Variants in MBNL2 observed in about 807,000 individuals in gnomAD.
The protein encoded by MBNL2 is muscleblind-like protein 2.
MBNL2 carries 17 observed loss-of-function variants against 41.9 expected under a neutral mutation model. That is an observed-to-expected ratio of 0.41 (90% CI 0.28 to 0.61). The LOEUF (loss-of-function observed/expected upper bound fraction) is 0.61. Among genes scored for constraint, MBNL2 ranks in the 20% least tolerant of loss-of-function variants. The pLI is 0.35. For synonymous variants in MBNL2, 195 were observed against 182.9 expected, an observed-to-expected ratio of 1.07 and a Z score of -0.53; for missense variants, 336 against 505.6, an observed-to-expected ratio of 0.66 and a Z score of 3.22.
chr13:97,179,224 C>T, the MBNL2 span: 1 of 152,210 alleles, frequency 6.6e-6, no homozygotes, highest in African/African-American at 2.4e-5. Context: ...TCACTGGCCA[C>T]TTAGTTATTC....
the MBNL2 span, among the ~76,000 whole-genome samples, chr13:97,173,087 A>G: frequency 2.0e-5 from 3 of 152,326 alleles, no homozygotes; most frequent in East Asian, 5.8e-4. Flanking sequence ...GATGTGTTGT[A>G]TGTATATGTG....
At chr13:97,190,821 G>A in the MBNL2 span, among the ~76,000 whole-genome samples, 7 of 152,108 alleles carry the variant, frequency 4.6e-5, no homozygotes, top group African/African-American at 1.7e-4. Flanking sequence ...TGAAGCCTGA[G>A]GTTGGATTTA....
chr13:97,346,717 C>A lies in MBNL2; in HGVS notation c.541-87C>A. 1 of 1,101,844 alleles carries A rather than the reference C, an allele frequency of 9.1e-7. No homozygotes were observed. The highest frequency in any genetic ancestry group is 1.3e-6 in the Non-Finnish European group (1 of 757,518). The allele number at this position is 1,101,844 out of a possible 1,614,324, so 68.3% of individuals were successfully genotyped here. On this transcript the variant is annotated intron_variant, in intron 4 of 8. Transcript: ENST00000679496. The surrounding 1 kb of genome is among the most constrained non-coding windows in gnomAD (Gnocchi z 4.2). ...TGAGCCACCATTGAAAGCGAGGCAG[C>A]CTCCGCTCCTCCCGCGGTGGCCGGG...
At chr13:97,301,214 T>C (rs1275558115) in intron 2 of MBNL2, among the ~76,000 whole-genome samples, 1 of 152,214 alleles carries the variant, frequency 6.6e-6, no homozygotes, top group African/African-American at 2.4e-5. Flanking sequence ...ACTTATTGAC[T>C]GCCTGCTACA....
chr13:97,308,158 C>G (rs901454320), intron 2 of MBNL2, among the ~76,000 whole-genome samples: 1 of 152,230 alleles, frequency 6.6e-6, no homozygotes, highest in African/African-American at 2.4e-5. Context: ...CTGGCTGCCA[C>G]ATGCCTGCAG....
intron 1 of MBNL2, among the ~76,000 whole-genome samples, chr13:97,241,118 A>G (rs1356030648): frequency 6.6e-6 from 1 of 152,194 alleles, no homozygotes; most frequent in Non-Finnish European, 1.5e-5. Context: ...TCAGAGCATG[A>G]ATATGTAAGG....
chr13:97,295,080 GGA>G (rs2056812156), intron 2 of MBNL2, among the ~76,000 whole-genome samples: 1 of 152,140 alleles, frequency 6.6e-6, no homozygotes, highest in Admixed American at 6.5e-5. Context: ...TGTTCACCCT[GGA>G]GAAAGAAAGA....
the MBNL2 span, among the ~76,000 whole-genome samples, chr13:97,204,601 A>C: frequency 6.6e-6 from 1 of 152,186 alleles, no homozygotes; most frequent in Non-Finnish European, 1.5e-5. Flanking sequence ...AAGAAAAAAA[A>C]CTATACTTTC....
intron 8 of MBNL2, among the ~76,000 whole-genome samples, chr13:97,388,570 CCTG>C (rs2066130383): frequency 6.6e-6 from 1 of 152,108 alleles, no homozygotes; most frequent in African/African-American, 2.4e-5. Flanking sequence ...TTCCTCCTGT[CCTG>C]TGGGTGGTCT....
At chr13:97,267,002 T>C (rs2049955928) in intron 1 of MBNL2, among the ~76,000 whole-genome samples, 1 of 152,210 alleles carries the variant, frequency 6.6e-6, no homozygotes, top group Admixed American at 6.5e-5. Flanking sequence ...CTGGAGGAAC[T>C]GTGTGCTGCA....
chr13:97,347,929 C>T (rs1308008211), intron 5 of MBNL2, among the ~76,000 whole-genome samples: 1 of 152,142 alleles, frequency 6.6e-6, no homozygotes, highest in Non-Finnish European at 1.5e-5. Context: ...TGCACATTAA[C>T]ATTTGAGAAG....
At chr13:97,369,678 G>A (rs918881919) in intron 8 of MBNL2, among the ~76,000 whole-genome samples, 1 of 152,142 alleles carries the variant, frequency 6.6e-6, no homozygotes, top group African/African-American at 2.4e-5. Context: ...TAGGTCTAGT[G>A]CTATTTACAC....
chr13:97,310,452 C>T (rs943282895), intron 2 of MBNL2, among the ~76,000 whole-genome samples: 2 of 147,930 alleles, frequency 1.4e-5, no homozygotes, highest in African/African-American at 2.5e-5. Context: ...TTTTTTGAGA[C>T]GGAGTCTCAC....
At chr13:97,252,977 C>T (rs2046854805) in intron 1 of MBNL2, among the ~76,000 whole-genome samples, 1 of 152,192 alleles carries the variant, frequency 6.6e-6, no homozygotes, top group African/African-American at 2.4e-5. Flanking sequence ...AGGTCTCTCT[C>T]TATTTTACAT....
At chr13:97,142,560 T>TC in the MBNL2 span, among the ~76,000 whole-genome samples, 1 of 152,156 alleles carries the variant, frequency 6.6e-6, no homozygotes, top group South Asian at 2.1e-4. Context: ...ATATTCCACC[T>TC]CCCCACACTG....
chr13:97,246,279 AC>A (rs2045448461), intron 1 of MBNL2, among the ~76,000 whole-genome samples: 1 of 104,918 alleles, frequency 9.5e-6, no homozygotes, highest in Admixed American at 8.3e-5. Flanking sequence ...GTTATTTCAC[AC>A]ACACACACAC....
chr13:97,379,002 C>T (rs577632241), intron 8 of MBNL2, among the ~76,000 whole-genome samples: 234 of 151,888 alleles, frequency 1.5e-3, no homozygotes, highest in Admixed American at 2.4e-3. Flanking sequence ...GCTTGCATGC[C>T]TGCAAATCCT....
At chr13:97,345,569 C>G (rs543678089) in intron 4 of MBNL2, among the ~76,000 whole-genome samples, 5 of 152,116 alleles carry the variant, frequency 3.3e-5, no homozygotes, top group Non-Finnish European at 7.4e-5. Context: ...TTTTCTTTCT[C>G]TATATCTCTT....
Position 97,334,262 on chromosome 13 carries a change from A to C in MBNL2, c.175-14A>C. 6.2e-7 allele frequency: 1 copy of C among 1,601,892 alleles called. No homozygotes were observed. The highest frequency in any genetic ancestry group is 8.5e-7 in the Non-Finnish European group (1 of 1,174,794). Reference sequence around the variant, plus strand: ...TACTTAAAATAGTCCTAAAACCAACACTTGTTTTTACAGGGCCGTTGTTCG... The same window carrying C: ...TACTTAAAATAGTCCTAAAACCAACCCTTGTTTTTACAGGGCCGTTGTTCG... On this transcript the variant is annotated splice_polypyrimidine_tract_variant and intron_variant, in intron 2 of 8. Transcript: ENST00000679496. This position sits in a 1 kb window ranked among gnomAD's most constrained non-coding sequence, Gnocchi z 5.3.
Sources: gnomAD v4.1 joint callset for allele counts (sites outside exome capture counted in the v4.1 genomes callset) on GRCh38, gnomAD v4.1.1 for gene constraint, Gnocchi (gnomAD v3.1) non-coding constraint, MANE v1.5 for transcripts, NCBI Gene and HGNC (gene_info 2026-07-23, HGNC 2026-07-21) for gene names.